The following ADGRF3 variants were observed in gnomAD, a reference collection of about 807,000 sequenced individuals.
ADGRF3 encodes adhesion G protein-coupled receptor F3.
In ADGRF3, 85 loss-of-function variants were observed where a neutral mutation model predicts 93.2. The observed-to-expected ratio is 0.91, with a 90% CI of 0.77 to 1.09. The LOEUF is 1.09. Among genes scored for constraint, ADGRF3 ranks in the 50% least tolerant of loss-of-function variants. ADGRF3 has a pLI of 0.00. For missense variants in ADGRF3, 1,125 were observed against 1,246.2 expected, an observed-to-expected ratio of 0.90 and a Z score of 1.46; for synonymous variants, 534 against 532.5, an observed-to-expected ratio of 1.00 and a Z score of -0.04.
intron 5 of ADGRF3, among the ~76,000 whole-genome samples, chr2:26,315,158 C>T (rs1412873874): frequency 6.6e-6 from 1 of 152,174 alleles, no homozygotes; most frequent in African/African-American, 2.4e-5. Context: ...GAAAGGGCCA[C>T]TGTCTACACC....
chr2:26,346,224 C>G lies in ADGRF3; in HGVS notation c.11G>C (p.Arg4Pro), dbSNP rs1263167481. The G allele has an allele frequency of 6.2e-7, 1 of 1,613,676 alleles. No individual in the cohort carries two copies. The highest frequency in any genetic ancestry group is 1.3e-5 in the African/African-American group (1 of 75,052). ...CGCTGCCGAGTGGGCGCTCAGTTTT[C>G]GGGTCGTCATGGCTGGCTACGAATA... is the stretch of plus-strand genomic sequence containing the variant. MTT[R>P]KLSAHSAATP... Residue 4 changes from arginine to proline, a missense_variant, in exon 1 of 14, where the codon CGA (arginine) becomes CCA (proline). Transcript: ENST00000651242.
chr2:26,314,253 C>T (rs955385759), intron 6 of ADGRF3, among the ~76,000 whole-genome samples, 161 bp downstream of exon 6: 5 of 152,186 alleles, frequency 3.3e-5, no homozygotes, highest in Non-Finnish European at 7.3e-5. Context: ...TGGCAATAGA[C>T]GTGGCATGGC....
chr2:26,313,846 G>C lies in ADGRF3; in HGVS notation c.986C>G (p.Pro329Arg). 1.2e-6 allele frequency: 2 copies of C among 1,614,024 alleles called. No individual in the cohort carries two copies. The highest frequency in any genetic ancestry group is 1.7e-6 in the Non-Finnish European group (2 of 1,179,890). The change falls in exon 7 of 14, where the codon CCG becomes CGG. Residue 329 changes from proline to arginine, a missense_variant. Coordinates refer to ENST00000651242, the MANE Select transcript of ADGRF3 (RefSeq NM_001321971.2). Reference sequence around the variant, plus strand: ...ACAAGCGTACGTGGTGTCAGCCATCGGGCAGCGCTGAACAGCCAGCACAAA... The same window carrying C: ...ACAAGCGTACGTGGTGTCAGCCATCCGGCAGCGCTGAACAGCCAGCACAAA... ...QCFVLAVQRC[P>R]MADTTYACDL...
intron 1 of ADGRF3, among the ~76,000 whole-genome samples, chr2:26,334,883 T>C (rs915252827): frequency 1.3e-5 from 2 of 152,300 alleles, no homozygotes; most frequent in Middle Eastern, 3.4e-3. Flanking sequence ...TGCCCACAAA[T>C]TAAAAACACC....
At chr2:26,322,733 C>A (rs1675222558) in intron 1 of ADGRF3, among the ~76,000 whole-genome samples, 1 of 152,020 alleles carries the variant, frequency 6.6e-6, no homozygotes, top group African/African-American at 2.4e-5. Flanking sequence ...TGGAATACAC[C>A]AAGACATAAA....
intron 1 of ADGRF3, among the ~76,000 whole-genome samples, chr2:26,323,881 G>A (rs181561370): frequency 1.9e-4 from 29 of 151,876 alleles, no homozygotes; most frequent in Non-Finnish European, 1.0e-4. Context: ...CACCTGCCTC[G>A]GCCTCCCAAA....
At chr2:26,341,482 C>T (rs144165586) in intron 1 of ADGRF3, among the ~76,000 whole-genome samples, 5 of 152,288 alleles carry the variant, frequency 3.3e-5, no homozygotes, top group East Asian at 1.9e-4. Context: ...TATTAGCTTA[C>T]GCTGAATCTC....
chr2:26,319,571 C>T (rs1337898487), intron 1 of ADGRF3, among the ~76,000 whole-genome samples: 5 of 51,582 alleles, frequency 9.7e-5, no homozygotes, highest in East Asian at 8.0e-4. Flanking sequence ...CCCTCCCTTC[C>T]TTCCTTCCTT....
chr2:26,316,458 A>T lies in ADGRF3; in HGVS notation c.326-10T>A. On this transcript the variant is annotated splice_polypyrimidine_tract_variant and intron_variant, in intron 3 of 13. Transcript: ENST00000651242. ...TGGTTGACATTACACTCTGACAGAG[A>T]GAAGAGAAGAGGGGGTGGGCAGGCT... 6.4e-7 allele frequency: 1 copy of T among 1,550,556 alleles called. No homozygotes were observed. The highest frequency in any genetic ancestry group is 8.7e-7 in the Non-Finnish European group (1 of 1,146,406).
chr2:26,342,336 AT>A (rs1353083803), intron 1 of ADGRF3, among the ~76,000 whole-genome samples: 3 of 152,134 alleles, frequency 2.0e-5, no homozygotes, highest in African/African-American at 7.2e-5. Flanking sequence ...ATTCATTTTT[AT>A]TTTAAAATGA....
chr2:26,324,501 A>AAT (rs1675334087), intron 1 of ADGRF3, among the ~76,000 whole-genome samples: 1 of 103,086 alleles, frequency 9.7e-6, no homozygotes, highest in Non-Finnish European at 2.1e-5. Flanking sequence ...GAAAGGCCCC[A>AAT]GTGTGTGTTC....
intron 1 of ADGRF3, 111 bp downstream of exon 1, chr2:26,346,010 A>G: frequency 8.6e-7 from 1 of 1,160,558 alleles, no homozygotes; most frequent in South Asian, 1.5e-5. Flanking sequence ...CGGGCTAGCA[A>G]CCCCCCCTCG....
At chr2:26,324,934 G>T (rs760991731) in intron 1 of ADGRF3, among the ~76,000 whole-genome samples, 2 of 152,152 alleles carry the variant, frequency 1.3e-5, no homozygotes, top group African/African-American at 2.4e-5. Context: ...TTACACTCCC[G>T]CCAACAGTGT....
chr2:26,327,165 T>C (rs1675479289), intron 1 of ADGRF3, among the ~76,000 whole-genome samples: 1 of 152,162 alleles, frequency 6.6e-6, no homozygotes, highest in Admixed American at 6.5e-5. Context: ...TCTGGGGTAA[T>C]TTTGGAACTG....
intron 1 of ADGRF3, among the ~76,000 whole-genome samples, chr2:26,329,825 A>G (rs1177894485): frequency 2.6e-5 from 4 of 152,166 alleles, no homozygotes; most frequent in African/African-American, 7.2e-5. Flanking sequence ...TTGTTTTTAA[A>G]ACAGTGTTCA....
chr2:26,311,072 T>C lies in ADGRF3; in HGVS notation c.2452A>G (p.Met818Val). Residue 818 changes from methionine (M) to valine (V), a missense_variant, in exon 10 of 14, where the codon ATG becomes GTG. Physicochemically the swap from Met to Val is conservative, Grantham distance 21 (BLOSUM62 1). Transcript: ENST00000651242. The stretch of plus-strand genomic sequence containing the variant: ...GGGCACAGGTAGCCCAGGAGCACCA[T>C]GAGGGGGAGAACTCGGTGCTTTGCC... ...QLAKHRVLPLMVLLGYLCPLG... is the reference protein window; with the variant it reads ...QLAKHRVLPLVVLLGYLCPLG... The C allele has an allele frequency of 1.9e-6, 3 of 1,607,462 alleles. No homozygotes were observed. Among genetic ancestry groups the C allele is most frequent in the South Asian group, 1.1e-5 (1 of 89,794 alleles).
intron 1 of ADGRF3, among the ~76,000 whole-genome samples, chr2:26,342,324 G>A (rs1043893348): frequency 3.9e-5 from 6 of 152,058 alleles, no homozygotes; most frequent in Non-Finnish European, 7.4e-5. Flanking sequence ...TGTGTATAAG[G>A]CATTCATTTT....
chr2:26,313,084 C>G lies in ADGRF3; in HGVS notation c.1308G>C (p.Val436=), dbSNP rs1194319090. Residue 436 remains valine (V), a synonymous_variant, in exon 9 of 14, where the codon GTG becomes GTC. Transcript: ENST00000651242. ...CTGGCAGCTGTGCCAGGATCTGTGG[C>G]ACCTCCTCAGCAGGACTGCCCTGGC... ...QAGQGSPAEE[V]PQILAQLPGQ... 4 of 1,613,880 alleles carry G rather than the reference C, an allele frequency of 2.5e-6. No individual in the cohort carries two copies.
In ADGRF3 at chr2:26,316,997, A is replaced by T. The variant is rs1364236141; in HGVS notation, c.240T>A (p.Pro80=). ...HLDFPDKTWP[P]ELSRTLTLPA... is the part of the protein sequence containing the mutation. ...GGAGAGTCAGTGTCCTGGAGAGTTCAGGGGGCCAGGTCTTATCTGGAAAGT... is the reference window on the plus strand; with the variant it reads ...GGAGAGTCAGTGTCCTGGAGAGTTCTGGGGGCCAGGTCTTATCTGGAAAGT... The change falls in exon 3 of 14, where the codon CCT becomes CCA. Residue 80 remains proline, a synonymous_variant. Coordinates refer to ENST00000651242, the MANE Select transcript of ADGRF3 (RefSeq NM_001321971.2). 1 of 1,613,068 alleles carries T rather than the reference A, an allele frequency of 6.2e-7. No individual in the cohort carries two copies. Among genetic ancestry groups the T allele is most frequent in the East Asian group, 2.2e-5 (1 of 44,868 alleles).
Sources: gnomAD v4.1 joint callset for allele counts (sites outside exome capture counted in the v4.1 genomes callset) on GRCh38, gnomAD v4.1.1 for gene constraint, MANE v1.5 for transcripts, NCBI Gene and HGNC (gene_info 2026-07-23, HGNC 2026-07-21) for gene names.